SDCBP: variants seen among roughly 807,000 people sequenced by gnomAD.
SDCBP encodes the protein syndecan binding protein, also known as syntenin-1.
SDCBP carries 22 observed loss-of-function variants against 30.5 expected under a neutral mutation model. The ratio of observed to expected loss-of-function variants is 0.72; its 90% confidence interval spans 0.52 to 1.03. The LOEUF is 1.03. Ranked by LOEUF, SDCBP falls within the 50% of genes least tolerant of loss-of-function variation. SDCBP has a pLI of 0.00. For synonymous variants in SDCBP, 103 were observed against 118.7 expected (o/e 0.87, Z 0.86); for missense variants, 304 against 369.9 (o/e 0.82, Z 1.46).
intron 1 of SDCBP, among the ~76,000 whole-genome samples, chr8:58,564,765 T>C (rs1804614874): frequency 6.6e-6 from 1 of 152,248 alleles, no homozygotes; most frequent in African/African-American, 2.4e-5. Flanking sequence ...AAGGGACTTT[T>C]ACTTGAATTT....
At chr8:58,556,648 T>C (rs1804120325) in intron 1 of SDCBP, among the ~76,000 whole-genome samples, 1 of 151,860 alleles carries the variant, frequency 6.6e-6, no homozygotes, top group African/African-American at 2.4e-5. Flanking sequence ...ACTTCATTAA[T>C]CAGAATATTG....
chr8:58,579,805 G>C lies in SDCBP; in HGVS notation c.750+11G>C. On this transcript the variant is annotated intron_variant, in intron 7 of 8. Transcript: ENST00000260130. ...GTCATTGGATTGAAGGTAAGGAACA[G>C]ACTTTGTGCCATGTTCTGCTGCAGT... The C allele has an allele frequency of 6.4e-7, 1 of 1,574,424 alleles. No individual in the cohort carries two copies. The highest frequency in any genetic ancestry group is 8.6e-7 in the Non-Finnish European group (1 of 1,160,110).
rs182276505 is a variant in SDCBP at position 58,571,548 on chromosome 8, A to G, written c.130+583A>G. Among the ~76,000 whole-genome samples the G allele has an allele frequency of 1.6e-4, 25 of 152,326 alleles. No homozygotes were observed. In the East Asian group the frequency reaches 4.0e-3, roughly 25 times the overall value. On this transcript the variant is annotated intron_variant, in intron 3 of 8. Transcript: ENST00000260130. The stretch of plus-strand genomic sequence containing the variant: ...GTGGCCTGTCATTTTGTCTTACAAC[A>G]GTTTATAACATTGTGCCTCATAGAA...
chr8:58,574,829 G>A (rs75735655), intron 4 of SDCBP, among the ~76,000 whole-genome samples: 2,199 of 152,210 alleles, frequency 0.014, 38 homozygotes, highest in East Asian at 0.079. Flanking sequence ...GGTTATTAAC[G>A]TATCTGTCAT....
At chr8:58,574,754 C>A (rs1805229132) in intron 4 of SDCBP, among the ~76,000 whole-genome samples, 1 of 152,046 alleles carries the variant, frequency 6.6e-6, no homozygotes, top group Admixed American at 6.5e-5. Context: ...CTGTATATAT[C>A]AATACAACTT....
intron 1 of SDCBP, among the ~76,000 whole-genome samples, chr8:58,558,254 T>C (rs1804257813): frequency 6.6e-6 from 1 of 152,190 alleles, no homozygotes; most frequent in East Asian, 1.9e-4. Flanking sequence ...TTTGTCAAAA[T>C]ACTAACATTT....
chr8:58,558,446 T>G (rs1385672377), intron 1 of SDCBP, among the ~76,000 whole-genome samples: 1 of 152,114 alleles, frequency 6.6e-6, no homozygotes, highest in Admixed American at 6.6e-5. Flanking sequence ...TGTCCCTGGC[T>G]AGTTTTTTAT....
chr8:58,572,260 T>C lies in SDCBP; in HGVS notation c.186T>C (p.Asn62=). 1 of 1,612,546 alleles carries C rather than the reference T, an allele frequency of 6.2e-7. No individual in the cohort carries two copies. The highest frequency in any genetic ancestry group is 8.5e-7 in the Non-Finnish European group (1 of 1,179,800). The change falls in exon 4 of 9, where the codon AAT becomes AAC. Residue 62 remains asparagine (N), a synonymous_variant. Transcript: ENST00000260130. ...CTCAATACATGGGGCTGAGTTTAAA[T>C]GAAGAAGAAATACGTGCAAATGTGG... is the stretch of plus-strand genomic sequence containing the variant. ...ELSQYMGLSL[N]EEEIRANVAV...
Position 58,579,649 on chromosome 8 carries a change from A to C in SDCBP, c.605A>C (p.His202Pro), listed in dbSNP as rs1805565184. ...CCCTTTGAACGGACGATTACCATGC[A>C]TAAGGATAGCACTGGACATGTTGGT... is the stretch of plus-strand genomic sequence containing the variant. ...DRPFERTITM[H>P]KDSTGHVGFI... The change falls in exon 7 of 9, where the codon CAT becomes CCT. Residue 202 changes from histidine (H) to proline (P), a missense_variant. Physicochemically the swap from His to Pro is moderately conservative, Grantham distance 77. Transcript: ENST00000260130. 1 of 1,598,056 alleles carries C rather than the reference A, an allele frequency of 6.3e-7. No homozygotes were observed. The highest frequency in any genetic ancestry group is 2.3e-5 in the East Asian group (1 of 44,342).
intron 1 of SDCBP, among the ~76,000 whole-genome samples, chr8:58,559,661 A>C (rs1365393241): frequency 6.6e-6 from 1 of 152,230 alleles, no homozygotes; most frequent in Non-Finnish European, 1.5e-5. Flanking sequence ...AAATTAGAAA[A>C]GAAACAAAAG....
intron 6 of SDCBP, 34 bp downstream of exon 6, chr8:58,578,242 C>T: frequency 6.9e-7 from 1 of 1,438,944 alleles, no homozygotes; most frequent in Non-Finnish European, 9.2e-7. Flanking sequence ...AATGAAAATT[C>T]AATACTAGTT....
chr8:58,576,271 G>A (rs1044986510), intron 5 of SDCBP: 3 of 470,880 alleles, frequency 6.4e-6, no homozygotes, highest in African/African-American at 3.9e-5. Context: ...TACTTTGAAA[G>A]ATGTTTCTTT....
At chr8:58,573,557 G>A (rs545709008) in intron 4 of SDCBP, among the ~76,000 whole-genome samples, 2 of 152,322 alleles carry the variant, frequency 1.3e-5, no homozygotes, top group South Asian at 4.1e-4. Flanking sequence ...GACCTTGGAT[G>A]AGGGGACACT....
chr8:58,567,176 G>C (rs1804745167), intron 2 of SDCBP, among the ~76,000 whole-genome samples: 1 of 152,102 alleles, frequency 6.6e-6, no homozygotes, highest in Non-Finnish European at 1.5e-5. Flanking sequence ...GAAATAAGTA[G>C]CTACATTTAA....
At chr8:58,574,525 TTGTG>T (rs1805214927) in intron 4 of SDCBP, among the ~76,000 whole-genome samples, 1 of 152,190 alleles carries the variant, frequency 6.6e-6, no homozygotes, top group South Asian at 2.1e-4. Context: ...ACCTTCATTT[TTGTG>T]TCTGCATCTC....
chr8:58,578,508 T>C (rs746883181), intron 6 of SDCBP: 17 of 220,060 alleles, frequency 7.7e-5, no homozygotes, highest in Middle Eastern at 1.6e-3. Flanking sequence ...ACTGCTTAGA[T>C]ACATCCAGCC....
In SDCBP at chr8:58,556,872, TAC is replaced by T. The variant is rs1563501431; in HGVS notation, c.-16+3571_-16+3572del. Among the ~76,000 whole-genome samples, 15 of 68,150 alleles carry T rather than the reference TAC, an allele frequency of 2.2e-4. No homozygotes were observed. In the East Asian group the frequency reaches 0.011, roughly 51 times the overall value. 44.7% of individuals were successfully genotyped at this position (68,150 alleles called of 152,430 possible). ...TATGTATTATATATAACATATATAA[TAC>T]ATATATATTATAATACGTATAATAC... On this transcript the variant is annotated intron_variant, in intron 1 of 8. Coordinates refer to ENST00000260130, the MANE Select transcript of SDCBP (RefSeq NM_005625.4).
intron 1 of SDCBP, chr8:58,561,766 A>G: frequency 2.9e-6 from 2 of 690,696 alleles, no homozygotes; most frequent in Non-Finnish European, 2.6e-6. Context: ...GCTATGGACA[A>G]ATAGAGACCT....
intron 1 of SDCBP, among the ~76,000 whole-genome samples, chr8:58,555,082 T>C (rs182865020): frequency 6.6e-6 from 1 of 152,232 alleles, no homozygotes; most frequent in Non-Finnish European, 1.5e-5. Context: ...CTGCTTCACA[T>C]TTTGCTCTTA....
Sources: gnomAD v4.1 joint callset for allele counts (sites outside exome capture counted in the v4.1 genomes callset) on GRCh38, gnomAD v4.1.1 for gene constraint, MANE v1.5 for transcripts, NCBI Gene and HGNC (gene_info 2026-07-23, HGNC 2026-07-21) for gene names.